Variants in DHX9 observed in about 807,000 individuals in gnomAD.
DHX9 encodes the protein DExH-box helicase 9.
In DHX9, 27 loss-of-function variants were observed where a neutral mutation model predicts 148.7. That is an observed-to-expected ratio of 0.18 (90% CI 0.13 to 0.25). The LOEUF (loss-of-function observed/expected upper bound fraction) is 0.25. Among genes scored for constraint, DHX9 ranks in the 10% least tolerant of loss-of-function variants. DHX9 has a pLI of 1.00. For missense variants in DHX9, 796 were observed against 1,559.6 expected (o/e 0.51, Z 8.25); for synonymous variants, 529 against 516.6 (o/e 1.02, Z -0.33).
chr1:182,860,297 A>C, intron 12 of DHX9, 113 bp downstream of exon 12: 1 of 925,026 alleles, frequency 1.1e-6, no homozygotes, highest in Middle Eastern at 2.3e-4. Flanking sequence ...TGCCCTTGAA[A>C]TTAAATTTAA....
intron 12 of DHX9, among the ~76,000 whole-genome samples, chr1:182,864,943 G>A (rs544230564): frequency 1.3e-5 from 2 of 152,146 alleles, no homozygotes; most frequent in Non-Finnish European, 2.9e-5. Context: ...CACAAGGATC[G>A]TAGACTTGAA....
In DHX9 at chr1:182,845,429, G is replaced by GAA. The variant is rs77781676; in HGVS notation, c.252+2007_252+2008dup. On this transcript the variant is annotated intron_variant, in intron 3 of 27. Coordinates refer to ENST00000367549, the MANE Select transcript of DHX9 (RefSeq NM_001357.5). Reference sequence around the variant, plus strand: ...TTTTCCCTCTTTTGGTATGTAAGTGGAAAAAAAAAAAAACAATTTTCCTCT... The same window carrying GAA: ...TTTTCCCTCTTTTGGTATGTAAGTGGAAAAAAAAAAAAAAACAATTTTCCTCT... Among the ~76,000 whole-genome samples the GAA allele has an allele frequency of 5.1e-3, 705 of 138,636 alleles. 9 individuals are homozygous for GAA. Among genetic ancestry groups the GAA allele is most frequent in the African/African-American group, 0.017 (664 of 38,842 alleles). The allele number at this position is 138,636 out of a possible 152,430, so 91.0% of individuals were successfully genotyped here. A position where few individuals can be genotyped will look rare whatever the true frequency, so the allele number is the denominator to read the frequency against.
At chr1:182,873,144 C>A (rs886976052) in intron 15 of DHX9, among the ~76,000 whole-genome samples, 1 of 152,022 alleles carries the variant, frequency 6.6e-6, no homozygotes, top group Non-Finnish European at 1.5e-5. Context: ...TTTGTAGAGA[C>A]AAGGTCTCAC....
chr1:182,886,182 T>A (rs914497544), intron 27 of DHX9, among the ~76,000 whole-genome samples: 121 of 144,318 alleles, frequency 8.4e-4, no homozygotes, highest in East Asian at 2.4e-3. Context: ...TATTTTTTTT[T>A]AAATTTATTT....
chr1:182,876,307 T>C, intron 17 of DHX9, 44 bp downstream of exon 17: 1 of 1,602,314 alleles, frequency 6.2e-7, no homozygotes, highest in Non-Finnish European at 8.5e-7. Flanking sequence ...TGAAAATGAA[T>C]GTTTTTGCTA....
chr1:182,855,603 A>C, intron 6 of DHX9: 1 of 985,426 alleles, frequency 1.0e-6, no homozygotes, highest in Non-Finnish European at 1.2e-6. Context: ...TTGAGTGCTG[A>C]CTTTAAGCCT....
intron 1 of DHX9, among the ~76,000 whole-genome samples, chr1:182,841,591 C>T (rs1409243173): frequency 1.3e-5 from 2 of 152,182 alleles, no homozygotes; most frequent in African/African-American, 4.8e-5. Flanking sequence ...CAAATTTATG[C>T]TAGGGGTGCA....
At chr1:182,841,303 A>G (rs1293532094) in intron 1 of DHX9, among the ~76,000 whole-genome samples, 1 of 150,734 alleles carries the variant, frequency 6.6e-6, no homozygotes, top group Non-Finnish European at 1.5e-5. Flanking sequence ...AAAAAAAAAG[A>G]GAGAAAAGAC....
chr1:182,876,473 C>G lies in DHX9; in HGVS notation c.2056C>G (p.Leu686Val). The change falls in exon 18 of 28, where the codon CTG (leucine) becomes GTG (valine). Residue 686 changes from leucine to valine, a missense_variant. Leu to Val is a conservative substitution (Grantham distance 32). Transcript: ENST00000367549. Reference protein sequence around the residue: ...FGSHRYQILPLHSQIPREEQR... With the variant: ...FGSHRYQILPVHSQIPREEQR... ...AAGCCATCGGTATCAGATTCTACCC[C>G]TGCATTCTCAGATTCCTCGAGAGGA... is the stretch of plus-strand genomic sequence containing the variant. 1 of 1,613,546 alleles carries G rather than the reference C, an allele frequency of 6.2e-7. No individual in the cohort carries two copies. Among genetic ancestry groups the G allele is most frequent in the Non-Finnish European group, 8.5e-7 (1 of 1,179,828 alleles).
intron 6 of DHX9, 75 bp from the exon 7 acceptor site, chr1:182,856,457 G>A (rs1347554825): frequency 6.0e-6 from 8 of 1,323,568 alleles, no homozygotes; most frequent in African/African-American, 1.5e-5. Context: ...TGGAAAGCCT[G>A]CCTGACTTGG....
intron 7 of DHX9, among the ~76,000 whole-genome samples, chr1:182,857,478 G>T (rs1048987769): frequency 1.3e-5 from 2 of 152,142 alleles, no homozygotes; most frequent in Non-Finnish European, 2.9e-5. Context: ...CTGTTTTATT[G>T]TAACATAGCT....
intron 19 of DHX9, 185 bp downstream of exon 19, chr1:182,877,088 A>T (rs1648837863): frequency 2.0e-6 from 1 of 487,996 alleles, no homozygotes; most frequent in Non-Finnish European, 3.6e-6. Flanking sequence ...ATTACTGCAA[A>T]TCAGTTACGG....
intron 7 of DHX9, among the ~76,000 whole-genome samples, chr1:182,857,730 A>C (rs1668281616): frequency 6.6e-6 from 1 of 152,198 alleles, no homozygotes; most frequent in Non-Finnish European, 1.5e-5. Flanking sequence ...GGTCTAGGTA[A>C]CCACTCTGGA....
At chr1:182,847,339 A>C (rs564997870) in intron 3 of DHX9, among the ~76,000 whole-genome samples, 3 of 152,134 alleles carry the variant, frequency 2.0e-5, no homozygotes, top group Admixed American at 6.5e-5. Context: ...ATAATGTTAT[A>C]CTCCTCCAAA....
intron 12 of DHX9, among the ~76,000 whole-genome samples, chr1:182,860,936 T>C (rs1409613720): frequency 1.3e-5 from 2 of 152,202 alleles, no homozygotes; most frequent in African/African-American, 4.8e-5. Context: ...ACCTCTGAGG[T>C]AGGCTTACAT....
chr1:182,869,851 A>G (rs1403508434), intron 14 of DHX9, among the ~76,000 whole-genome samples: 1 of 152,154 alleles, frequency 6.6e-6, no homozygotes, highest in Non-Finnish European at 1.5e-5. Context: ...TGCCTGCCTC[A>G]GCCTGCCAAA....
In DHX9 at chr1:182,880,603, T is replaced by A. The variant is rs1649040780; in HGVS notation, c.2619T>A (p.Ile873=). 6.2e-7 allele frequency: 1 copy of A among 1,600,982 alleles called. No individual in the cohort carries two copies. The highest frequency in any genetic ancestry group is 1.7e-5 in the Admixed American group (1 of 59,860). The change falls in exon 22 of 28, where the codon ATT becomes ATA. Residue 873 remains isoleucine, a synonymous_variant. Transcript: ENST00000367549. ...GCAAAATGATGATAATGGGGTGTAT[T>A]TTCTAGTAAGTGCTTTGTTTTATTT... ...RFGKMMIMGC[I]FYVGDAICTI...
intron 17 of DHX9, 62 bp from the exon 18 acceptor site, chr1:182,876,385 T>A (rs916120762): frequency 6.4e-7 from 1 of 1,566,100 alleles, no homozygotes; most frequent in Non-Finnish European, 8.8e-7. Flanking sequence ...ATATGTATAA[T>A]GGAGAGCTGT....
At chr1:182,844,044 GT>G (rs1287968942) in intron 3 of DHX9, among the ~76,000 whole-genome samples, 21 of 152,152 alleles carry the variant, frequency 1.4e-4, no homozygotes, top group Non-Finnish European at 2.2e-4. Flanking sequence ...CGCCTCCTGG[GT>G]TCAAGCGATT....
Sources: allele counts gnomAD v4.1 joint callset (sites outside exome capture counted in the v4.1 genomes callset), GRCh38; gene constraint gnomAD v4.1.1; transcripts MANE v1.5; gene names NCBI Gene and HGNC (gene_info 2026-07-23, HGNC 2026-07-21).